PRELID3A: variants seen among roughly 807,000 people sequenced by gnomAD.
PRELID3A encodes the protein PRELI domain containing 3A.
A neutral mutation model predicts 23.0 loss-of-function variants in PRELID3A; 27 were observed. The ratio of observed to expected loss-of-function variants is 1.17; its 90% CI spans 0.87 to 1.62. PRELID3A has a LOEUF of 1.62. Ranked by LOEUF, PRELID3A falls within the 40% of genes most tolerant of loss-of-function variation. The pLI, the probability that PRELID3A is intolerant of heterozygous loss-of-function variation, is 0.00. For missense variants in PRELID3A, 231 were observed against 231.4 expected (o/e 1.00, Z 0.01); for synonymous variants, 87 against 86.4 (o/e 1.01, Z -0.04).
chr18:12,419,343 A>C (rs1460614804), intron 1 of PRELID3A, among the ~76,000 whole-genome samples: 1 of 99,484 alleles, frequency 1.0e-5, no homozygotes, highest in Non-Finnish European at 2.0e-5. Flanking sequence ...AAAAAAAAAA[A>C]GTTGGCCAGG....
rs190638679 is a variant in PRELID3A at position 12,422,750 on chromosome 18, C to T, written c.291+1121C>T. Among the ~76,000 whole-genome samples the T allele has an allele frequency of 1.4e-3, 206 of 152,278 alleles. 1 individual carries two copies. Among genetic ancestry groups the T allele is most frequent in the Non-Finnish European group, 3.7e-4 (25 of 68,022 alleles). ...TATTGGCCTAATGCAAATGCAAGAACATGTTGGGAAATATGCATGGGCTAG... is the reference window on the plus strand; with the variant it reads ...TATTGGCCTAATGCAAATGCAAGAATATGTTGGGAAATATGCATGGGCTAG... On this transcript the variant is annotated intron_variant, in intron 3 of 6. Transcript: ENST00000440960.
At position 12,426,963 on chromosome 18, in the gene PRELID3A, G is replaced by A. The variant is rs2030398694; in HGVS notation, c.292-78G>A. 3.9e-6 allele frequency: 4 copies of A among 1,033,154 alleles called. No homozygotes were observed. In the East Asian group the frequency reaches 1.0e-4, roughly 26 times the overall value. 64.0% of individuals were successfully genotyped at this position (1,033,154 alleles called of 1,614,324 possible). On this transcript the variant is annotated intron_variant, in intron 3 of 6. Coordinates refer to ENST00000440960, the MANE Select transcript of PRELID3A (RefSeq NM_001142405.2). Reference sequence around the variant, plus strand: ...TCTGGCCCCACTAAGTGCTAATTTTGGGATGGAAGAGTATGGGCAGTTGGC... The same window carrying A: ...TCTGGCCCCACTAAGTGCTAATTTTAGGATGGAAGAGTATGGGCAGTTGGC...
intron 1 of PRELID3A, among the ~76,000 whole-genome samples, chr18:12,411,979 C>T (rs930532107): frequency 9.3e-5 from 14 of 149,824 alleles, no homozygotes; most frequent in Non-Finnish European, 1.5e-4. Context: ...GGCGCAGTCT[C>T]GGCTCACTGC....
intron 1 of PRELID3A, among the ~76,000 whole-genome samples, chr18:12,417,095 T>C (rs1380142416): frequency 6.6e-6 from 1 of 152,234 alleles, no homozygotes; most frequent in African/African-American, 2.4e-5. Context: ...CTGTAATTAG[T>C]AAAATTATTT....
At chr18:12,409,161 T>TTG (rs1909827894) in intron 1 of PRELID3A, among the ~76,000 whole-genome samples, 1 of 127,910 alleles carries the variant, frequency 7.8e-6, no homozygotes, top group South Asian at 2.7e-4. Context: ...CAGGCTGGGT[T>TTG]TTTTTTTTTT....
chr18:12,421,316 G>A, intron 2 of PRELID3A: 1 of 540,868 alleles, frequency 1.8e-6, no homozygotes, highest in Non-Finnish European at 3.3e-6. Flanking sequence ...CGGGAGCATA[G>A]TGCTGCTGCA....
At chr18:12,421,089 G>A (rs917099071) in intron 2 of PRELID3A, among the ~76,000 whole-genome samples, 1 of 152,100 alleles carries the variant, frequency 6.6e-6, no homozygotes, top group African/African-American at 2.4e-5. Context: ...ACCCCAACCC[G>A]GCCCCTGGAT....
At chr18:12,429,882 C>T (rs1006955130) in intron 6 of PRELID3A, among the ~76,000 whole-genome samples, 3 of 152,264 alleles carry the variant, frequency 2.0e-5, no homozygotes, top group Admixed American at 6.5e-5. Context: ...CGGCTGCAGC[C>T]GGCCATTTCC....
At chr18:12,409,386 C>T (rs564520322) in intron 1 of PRELID3A, among the ~76,000 whole-genome samples, 98 of 151,960 alleles carry the variant, frequency 6.4e-4, no homozygotes, top group Non-Finnish European at 1.2e-3. Context: ...AGGCTGGTCT[C>T]GAGCTCCTGA....
intron 6 of PRELID3A, among the ~76,000 whole-genome samples, chr18:12,430,625 T>A (rs1049418586): frequency 6.7e-6 from 1 of 149,572 alleles, no homozygotes; most frequent in African/African-American, 2.5e-5. Flanking sequence ...TCTGTGTATG[T>A]GATGTGTATA....
intron 1 of PRELID3A, among the ~76,000 whole-genome samples, chr18:12,416,100 C>T (rs2143339228): frequency 6.6e-6 from 1 of 152,358 alleles, no homozygotes; most frequent in South Asian, 2.1e-4. Flanking sequence ...AGAACCCTGA[C>T]TGATTTCGGC....
At chr18:12,411,309 A>AT (rs1213214532) in intron 1 of PRELID3A, among the ~76,000 whole-genome samples, 2 of 151,652 alleles carry the variant, frequency 1.3e-5, no homozygotes, top group African/African-American at 4.8e-5. Flanking sequence ...AATAAAAAAA[A>AT]AAAAAAATTA....
intron 6 of PRELID3A, 43 bp downstream of exon 6, chr18:12,429,479 C>T (rs1172849529): frequency 7.5e-7 from 1 of 1,339,054 alleles, no homozygotes; most frequent in Non-Finnish European, 1.1e-6. Flanking sequence ...CTTGCAGCCT[C>T]TTGTGACCCG....
In PRELID3A at chr18:12,429,340, T is replaced by C. The variant is rs2030486838; in HGVS notation, c.466-10T>C. On this transcript the variant is annotated splice_polypyrimidine_tract_variant and intron_variant, in intron 5 of 6. Coordinates refer to ENST00000440960, the MANE Select transcript of PRELID3A (RefSeq NM_001142405.2). ...GACCCACTCAGTGCTGAAATCTTTC[T>C]GTGTTGCAGGGGTGGGCTGCTATCG... The C allele has an allele frequency of 6.2e-7, 1 of 1,613,512 alleles. No homozygotes were observed. Among genetic ancestry groups the C allele is most frequent in the Non-Finnish European group, 8.5e-7 (1 of 1,179,908 alleles).
chr18:12,430,571 GA>G (rs2030545336), intron 6 of PRELID3A, among the ~76,000 whole-genome samples: 2 of 149,478 alleles, frequency 1.3e-5, no homozygotes, highest in African/African-American at 4.9e-5. Context: ...GTGTGTGTGT[GA>G]CATGTGTGCT....
intron 3 of PRELID3A, among the ~76,000 whole-genome samples, chr18:12,426,291 A>G (rs147030140): frequency 0.011 from 1,594 of 151,728 alleles, 38 homozygotes; most frequent in African/African-American, 0.037. Flanking sequence ...GGAGTGGCTC[A>G]CGCCTGTAAT....
At chr18:12,421,951 T>G (rs1355823647) in intron 3 of PRELID3A, among the ~76,000 whole-genome samples, 1 of 151,996 alleles carries the variant, frequency 6.6e-6, no homozygotes, top group East Asian at 1.9e-4. Context: ...ACGTTTTTGT[T>G]TTTTTAAAGA....
At position 12,407,965 on chromosome 18, in the gene PRELID3A, C is replaced by T; in HGVS notation, c.-11C>T. ...CCCGGATCGCAGAGCCCGCGCCCTGCGCCGGCGGCAATGAAGATCTGGAGC... is the reference window on the plus strand; with the variant it reads ...CCCGGATCGCAGAGCCCGCGCCCTGTGCCGGCGGCAATGAAGATCTGGAGC... On this transcript the variant is annotated 5_prime_UTR_variant, in exon 1 of 7. Coordinates refer to ENST00000440960, the MANE Select transcript of PRELID3A (RefSeq NM_001142405.2). 1.5e-6 allele frequency: 2 copies of T among 1,295,276 alleles called. No homozygotes were observed. Among genetic ancestry groups the T allele is most frequent in the Non-Finnish European group, 9.8e-7 (1 of 1,023,238 alleles). The allele number at this position is 1,295,276 out of a possible 1,614,324, so 80.2% of individuals were successfully genotyped here. A position where few individuals can be genotyped will look rare whatever the true frequency, so the allele number is the denominator to read the frequency against.
intron 6 of PRELID3A, among the ~76,000 whole-genome samples, chr18:12,430,665 TTGTA>T (rs985731875): frequency 3.7e-5 from 3 of 81,076 alleles, no homozygotes; most frequent in Non-Finnish European, 5.8e-5. Flanking sequence ...GTGTGCATGT[TTGTA>T]TGATGTGTAT....
Sources: gnomAD v4.1 joint callset for allele counts (sites outside exome capture counted in the v4.1 genomes callset) on GRCh38, gnomAD v4.1.1 for gene constraint, MANE v1.5 for transcripts, NCBI Gene and HGNC (gene_info 2026-07-23, HGNC 2026-07-21) for gene names.